THRB: variants seen among roughly 807,000 people sequenced by gnomAD.
The protein encoded by THRB is thyroid hormone receptor beta, also known as nuclear receptor subfamily 1 group A member 2.
Under a neutral mutation model 47.8 loss-of-function variants are expected in THRB, and 12 were observed. That is an observed-to-expected ratio of 0.25 (90% confidence interval 0.16 to 0.41). The LOEUF (loss-of-function observed/expected upper bound fraction) is 0.41. THRB is among the 10% of genes least tolerant of loss of function. THRB has a pLI of 1.00. For missense variants in THRB, 348 were observed against 589.2 expected, an observed-to-expected ratio of 0.59 and a Z score of 4.24; for synonymous variants, 218 against 212.2, an observed-to-expected ratio of 1.03 and a Z score of -0.24.
chr3:24,410,931 A>G (rs1330560603), intron 1 of THRB, among the ~76,000 whole-genome samples: 1 of 151,858 alleles, frequency 6.6e-6, no homozygotes, highest in African/African-American at 2.4e-5. Flanking sequence ...GTGTAGGAAT[A>G]TAATGCGGAT....
At chr3:24,469,074 C>T (rs1389265867) in intron 1 of THRB, among the ~76,000 whole-genome samples, 1 of 152,156 alleles carries the variant, frequency 6.6e-6, no homozygotes, top group East Asian at 1.9e-4. Flanking sequence ...CTGACTACTA[C>T]TAATTCTTCA....
intron 3 of THRB, among the ~76,000 whole-genome samples, chr3:24,276,100 A>C (rs826240): frequency 6.6e-6 from 1 of 151,840 alleles, no homozygotes; most frequent in African/African-American, 2.4e-5. Flanking sequence ...TCTGAGTTAA[A>C]CCATTATCAT....
chr3:24,381,886 T>C (rs1416413722), intron 1 of THRB, among the ~76,000 whole-genome samples: 2 of 151,400 alleles, frequency 1.3e-5, no homozygotes, highest in Admixed American at 6.6e-5. Flanking sequence ...TTTAGAAAAA[T>C]AGATGGTCTA....
intron 3 of THRB, among the ~76,000 whole-genome samples, chr3:24,258,543 A>G (rs1179202762): frequency 6.6e-6 from 1 of 152,156 alleles, no homozygotes; most frequent in Non-Finnish European, 1.5e-5. Flanking sequence ...CTCACCTATG[A>G]TAGCTTTGTT....
chr3:24,166,576 A>AT (rs1368247879), intron 5 of THRB, among the ~76,000 whole-genome samples: 3 of 152,114 alleles, frequency 2.0e-5, no homozygotes, highest in African/African-American at 7.2e-5. Context: ...TACTAATGGT[A>AT]TTTTCTCCCT....
intron 3 of THRB, among the ~76,000 whole-genome samples, chr3:24,236,479 G>A (rs1265179255): frequency 2.0e-5 from 3 of 152,132 alleles, no homozygotes; most frequent in Non-Finnish European, 4.4e-5. Context: ...TATTATAGAT[G>A]ATCTCAACTC....
At chr3:24,442,798 TG>T (rs2071664950) in intron 1 of THRB, among the ~76,000 whole-genome samples, 1 of 143,336 alleles carries the variant, frequency 7.0e-6, no homozygotes, top group Admixed American at 7.1e-5. Context: ...TACTCCAGCC[TG>T]GGCAACAAGA....
chr3:24,257,335 T>C (rs1350393811), intron 3 of THRB, among the ~76,000 whole-genome samples: 3 of 152,178 alleles, frequency 2.0e-5, no homozygotes, highest in Non-Finnish European at 4.4e-5. Flanking sequence ...CAAGTCCAGA[T>C]GTTTATGATA....
At chr3:24,396,014 T>C (rs2066932791) in intron 1 of THRB, among the ~76,000 whole-genome samples, 1 of 152,004 alleles carries the variant, frequency 6.6e-6, no homozygotes, top group African/African-American at 2.4e-5. Context: ...TGACTGCTAG[T>C]GGATTTCTTT....
At chr3:24,354,900 TAAAC>T (rs752379286) in intron 1 of THRB, among the ~76,000 whole-genome samples, 3 of 151,500 alleles carry the variant, frequency 2.0e-5, no homozygotes, top group Admixed American at 6.6e-5. Context: ...AACACATGAG[TAAAC>T]AAACAAACAA....
chr3:24,130,009 T>A (rs2033580980), intron 9 of THRB, among the ~76,000 whole-genome samples: 1 of 152,232 alleles, frequency 6.6e-6, no homozygotes, highest in Non-Finnish European at 1.5e-5. Flanking sequence ...ACCTGAGATC[T>A]CCAGCCCACT....
intron 9 of THRB, among the ~76,000 whole-genome samples, chr3:24,132,851 A>G (rs1463199598): frequency 6.6e-6 from 1 of 152,240 alleles, no homozygotes; most frequent in African/African-American, 2.4e-5. Context: ...ATGCACTGAG[A>G]AGAATACAGA....
chr3:24,326,656 A>C (rs922423227), intron 2 of THRB, among the ~76,000 whole-genome samples: 7 of 151,200 alleles, frequency 4.6e-5, no homozygotes, highest in African/African-American at 1.7e-4. Context: ...TCCCAAAGGG[A>C]GCTAGTAAAT....
intron 5 of THRB, among the ~76,000 whole-genome samples, chr3:24,186,196 G>T (rs1414360679): frequency 1.3e-5 from 2 of 152,182 alleles, no homozygotes; most frequent in African/African-American, 2.4e-5. Flanking sequence ...AACATAGAAG[G>T]CTGGGCCCCT....
chr3:24,482,217 A>ACT (rs1278548944), intron 1 of THRB, among the ~76,000 whole-genome samples: 1 of 152,216 alleles, frequency 6.6e-6, no homozygotes, highest in Non-Finnish European at 1.5e-5. Context: ...ATGAAATAGT[A>ACT]ATAAAATTGT....
chr3:24,172,188 GAT>G (rs2040523948), intron 5 of THRB, among the ~76,000 whole-genome samples: 1 of 152,128 alleles, frequency 6.6e-6, no homozygotes, highest in Non-Finnish European at 1.5e-5. Flanking sequence ...TGCTCTGTTG[GAT>G]ATATATGCTG....
At chr3:24,472,033 C>A (rs1437208073) in intron 1 of THRB, among the ~76,000 whole-genome samples, 2 of 152,150 alleles carry the variant, frequency 1.3e-5, no homozygotes, top group African/African-American at 4.8e-5. Flanking sequence ...TTTTCTCTTT[C>A]AGGTATTTTT....
Position 24,133,254 on chromosome 3 carries a change from A to G in THRB, c.885+62T>C, listed in dbSNP as rs558328675. 1.0e-4 allele frequency: 158 copies of G among 1,567,814 alleles called. 1 individual carries two copies. The highest frequency in any genetic ancestry group is 1.7e-4 in the Middle Eastern group (1 of 5,974). On this transcript the variant is annotated intron_variant, in intron 9 of 10. Transcript: ENST00000646209. Reference sequence around the variant, plus strand: ...CATTAAATTGTAAATAATACCCAGTATTCCTGGAAACTGATGAAACTATAA... The same window carrying G: ...CATTAAATTGTAAATAATACCCAGTGTTCCTGGAAACTGATGAAACTATAA...
In THRB at chr3:24,376,955, T is replaced by A. The variant is rs528688673; in HGVS notation, c.-260-39584A>T. Reference sequence around the variant, plus strand: ...TCTGTCTCATACTTTTTTTTCTTTTTGAGACAGGGTCTCACTCTGTCACTT... The same window carrying A: ...TCTGTCTCATACTTTTTTTTCTTTTAGAGACAGGGTCTCACTCTGTCACTT... On this transcript the variant is annotated intron_variant, in intron 1 of 10. Coordinates refer to ENST00000646209, the MANE Select transcript of THRB (RefSeq NM_001354712.2). Among the ~76,000 whole-genome samples the A allele has an allele frequency of 2.0e-5, 3 of 152,212 alleles. No individual in the cohort carries two copies. The South Asian group carries it at 6.2e-4, about 32-fold the overall frequency.
Sources: allele counts gnomAD v4.1 joint callset (sites outside exome capture counted in the v4.1 genomes callset), GRCh38; gene constraint gnomAD v4.1.1; transcripts MANE v1.5; gene names NCBI Gene and HGNC (gene_info 2026-07-23, HGNC 2026-07-21).